The following DOCK1 variants were observed in gnomAD, a reference collection of about 807,000 sequenced individuals.
DOCK1 encodes dedicator of cytokinesis protein 1.
Under a neutral mutation model 262.7 loss-of-function variants are expected in DOCK1, and 138 were observed. That is an observed-to-expected ratio of 0.53 (90% confidence interval 0.46 to 0.61). The LOEUF is 0.61. Ranked by LOEUF, DOCK1 falls within the 20% of genes least tolerant of loss-of-function variation. The pLI is 0.00. For missense variants in DOCK1, 1,908 were observed against 2,370.7 expected, an observed-to-expected ratio of 0.80 and a Z score of 4.05; for synonymous variants, 866 against 867.4, an observed-to-expected ratio of 1.00 and a Z score of 0.03.
chr10:127,238,790 C>A (rs2059162300), intron 27 of DOCK1, among the ~76,000 whole-genome samples: 1 of 152,208 alleles, frequency 6.6e-6, no homozygotes, highest in Non-Finnish European at 1.5e-5. Flanking sequence ...CTGTTTTTAT[C>A]TCCTGCTGAC....
intron 27 of DOCK1, among the ~76,000 whole-genome samples, chr10:127,239,192 A>G (rs1048628041): frequency 2.0e-5 from 3 of 152,200 alleles, no homozygotes; most frequent in African/African-American, 7.2e-5. Context: ...TAGCTTATGT[A>G]GTTGTAAGTA....
At chr10:127,433,644 G>A (rs974986614) in intron 48 of DOCK1, among the ~76,000 whole-genome samples, 1 of 151,790 alleles carries the variant, frequency 6.6e-6, no homozygotes, top group African/African-American at 2.4e-5. Flanking sequence ...CTCTCTTTGG[G>A]TACCACTTTG....
At chr10:127,297,723 A>AC (rs1238552812) in intron 29 of DOCK1, among the ~76,000 whole-genome samples, 3 of 152,314 alleles carry the variant, frequency 2.0e-5, no homozygotes, top group African/African-American at 7.2e-5. Flanking sequence ...GAAAACATAA[A>AC]CCAAACCCTC....
intron 27 of DOCK1, among the ~76,000 whole-genome samples, chr10:127,162,953 A>G (rs1031425318): frequency 1.3e-5 from 2 of 152,142 alleles, no homozygotes; most frequent in African/African-American, 4.8e-5. Context: ...GAGTCACAGA[A>G]CCCTGAACAG....
chr10:127,426,114 T>TG, intron 47 of DOCK1, 103 bp downstream of exon 47: 1 of 1,549,748 alleles, frequency 6.5e-7, no homozygotes, highest in Non-Finnish European at 8.8e-7. Context: ...CATGTACACA[T>TG]GGTGCCCGCT....
intron 10 of DOCK1, among the ~76,000 whole-genome samples, chr10:127,004,167 T>C (rs1164606621): frequency 2.6e-5 from 4 of 151,620 alleles, no homozygotes; most frequent in African/African-American, 9.7e-5. Flanking sequence ...GGCAGGAGAA[T>C]TGCTTGAACT....
At chr10:127,315,887 C>T (rs1338465580) in intron 29 of DOCK1, among the ~76,000 whole-genome samples, 4 of 152,028 alleles carry the variant, frequency 2.6e-5, no homozygotes, top group African/African-American at 7.2e-5. Flanking sequence ...TTAGTAGAGA[C>T]GGGGTTTCAC....
chr10:127,418,795 G>C (rs2068318225), intron 45 of DOCK1, among the ~76,000 whole-genome samples: 1 of 152,242 alleles, frequency 6.6e-6, no homozygotes, highest in South Asian at 2.1e-4. Flanking sequence ...CCCAGGCTGG[G>C]CTTATCTGCA....
intron 27 of DOCK1, among the ~76,000 whole-genome samples, chr10:127,233,643 T>G (rs2058936053): frequency 6.6e-6 from 1 of 152,206 alleles, no homozygotes. Flanking sequence ...GCACTCCCAA[T>G]AGAATGTGAG....
chr10:127,404,300 A>C, intron 39 of DOCK1, 25 bp from the exon 40 acceptor site: 2 of 1,598,200 alleles, frequency 1.3e-6, no homozygotes, highest in Non-Finnish European at 1.7e-6. Context: ...TCAAACCTGA[A>C]ATGCATTTTC....
chr10:127,417,225 G>C lies in DOCK1; in HGVS notation c.4516-1140G>C, dbSNP rs571126557. On this transcript the variant is annotated intron_variant, in intron 44 of 51. Transcript: ENST00000623213. ...AAAGTTATTGCTGAGGTCACCCTGG[G>C]ACATGGTCCCCGTGGCCCAGTGTGA... Among the ~76,000 whole-genome samples, 5 of 152,344 alleles carry C rather than the reference G, an allele frequency of 3.3e-5. No homozygotes were observed. In the South Asian group the frequency reaches 1.0e-3, roughly 32 times the overall value.
intron 27 of DOCK1, among the ~76,000 whole-genome samples, chr10:127,151,974 C>T (rs935290297): frequency 3.3e-5 from 5 of 151,514 alleles, no homozygotes; most frequent in Non-Finnish European, 5.9e-5. Context: ...GAGCTAAGTT[C>T]ATTTAAATTA....
chr10:127,215,525 GT>G (rs2058168630), intron 27 of DOCK1, among the ~76,000 whole-genome samples: 1 of 152,184 alleles, frequency 6.6e-6, no homozygotes, highest in Non-Finnish European at 1.5e-5. Flanking sequence ...TTTATCTTGA[GT>G]TCCTGCTAGC....
At position 127,106,092 on chromosome 10, in the gene DOCK1, G is replaced by A. The variant is rs556757570; in HGVS notation, c.2446-139G>A. The A allele has an allele frequency of 5.2e-5, 43 of 827,128 alleles. No individual in the cohort carries two copies. The highest frequency in any genetic ancestry group is 3.6e-4 in the South Asian group (19 of 53,134). 51.2% of individuals were successfully genotyped at this position (827,128 alleles called of 1,614,324 possible). A position where few individuals can be genotyped will look rare whatever the true frequency, so the allele number is the denominator to read the frequency against. On this transcript the variant is annotated intron_variant, in intron 23 of 51. Transcript: ENST00000623213. ...TTTTGTTCTTTGCTCTATTTTCATC[G>A]TGTTAGCCGTCAGCCCCTCATCTGG... is the stretch of plus-strand genomic sequence containing the variant.
intron 25 of DOCK1, among the ~76,000 whole-genome samples, chr10:127,113,215 C>T (rs1228851851): frequency 6.6e-6 from 1 of 152,128 alleles, no homozygotes; most frequent in African/African-American, 2.4e-5. Flanking sequence ...AATGAACTCT[C>T]TTTGTGTTCA....
intron 38 of DOCK1, among the ~76,000 whole-genome samples, chr10:127,387,342 C>T (rs2066184700): frequency 1.3e-5 from 2 of 152,194 alleles, no homozygotes; most frequent in African/African-American, 4.8e-5. Flanking sequence ...CCTTTTGCTG[C>T]CTGTACCATT....
chr10:126,995,130 G>A lies in DOCK1; in HGVS notation c.474-1618G>A, dbSNP rs966624918. 2.0e-5 allele frequency among the ~76,000 whole-genome samples: 3 copies of A among 151,066 alleles called. No homozygotes were observed. Among genetic ancestry groups the A allele is most frequent in the Admixed American group, 6.6e-5 (1 of 15,174 alleles). On this transcript the variant is annotated intron_variant, in intron 6 of 51. Transcript: ENST00000623213. The surrounding 1 kb of genome is among the most constrained non-coding windows in gnomAD (Gnocchi z 5.8). ...CCCAGATCCCAGACGATGGGCGGCC[G>A]GGCAGAGACGCTCCTCACTTCTAGA... is the stretch of plus-strand genomic sequence containing the variant.
At chr10:127,066,573 C>G (rs2045889034) in intron 23 of DOCK1, among the ~76,000 whole-genome samples, 1 of 152,114 alleles carries the variant, frequency 6.6e-6, no homozygotes, top group Non-Finnish European at 1.5e-5. Flanking sequence ...AAGCCTTTTT[C>G]CCTCGTGGAG....
At chr10:127,252,414 G>A (rs1163258050) in intron 28 of DOCK1, among the ~76,000 whole-genome samples, 18 of 145,552 alleles carry the variant, frequency 1.2e-4, no homozygotes, top group African/African-American at 4.2e-4. Flanking sequence ...GTCAATTTTG[G>A]CTTTTGTTGC....
Sources: gnomAD v4.1 joint callset for allele counts (sites outside exome capture counted in the v4.1 genomes callset) on GRCh38, gnomAD v4.1.1 for gene constraint, Gnocchi (gnomAD v3.1) non-coding constraint, MANE v1.5 for transcripts, NCBI Gene and HGNC (gene_info 2026-07-23, HGNC 2026-07-21) for gene names.